Variants in POMZP3 observed in about 807,000 individuals in gnomAD.
POMZP3 encodes POM121 and ZP3 fusion protein.
Under a neutral mutation model 19.8 loss-of-function variants are expected in POMZP3, and 10 were observed. The observed-to-expected ratio is 0.51, with a 90% CI of 0.31 to 0.86. The LOEUF (loss-of-function observed/expected upper bound fraction) is 0.86, where lower values mean the gene tolerates loss of function less well. POMZP3 is among the 40% of genes least tolerant of loss of function. The probability of loss-of-function intolerance (pLI) is 0.04; values close to 1 mark genes in which losing one functional copy is unlikely to be tolerated. For missense variants in POMZP3, 152 were observed against 228.1 expected (o/e 0.67, Z 2.15); for synonymous variants, 57 against 85.8 (o/e 0.66, Z 1.85).
At chr7:76,613,613 C>G (rs1257486663) in intron 4 of POMZP3, among the ~76,000 whole-genome samples, 1 of 83,164 alleles carries the variant, frequency 1.2e-5, no homozygotes, top group Admixed American at 1.1e-4. Context: ...CTCAGCCTCC[C>G]AAGTAGATGG....
intron 3 of POMZP3, 81 bp downstream of exon 3, chr7:76,625,441 G>A: frequency 1.3e-6 from 2 of 1,597,612 alleles, no homozygotes; most frequent in Non-Finnish European, 8.6e-7. Flanking sequence ...GGTGGCCTCT[G>A]TATCTTTACG....
rs1361022003 is a variant in POMZP3 at position 76,620,310 on chromosome 7, A to C, written c.228-2010T>G. Among the ~76,000 whole-genome samples, 2 of 66,454 alleles carry C rather than the reference A, an allele frequency of 3.0e-5. 1 individual carries two copies. Among genetic ancestry groups the C allele is most frequent in the Non-Finnish European group, 5.7e-5 (2 of 35,046 alleles). 43.6% of individuals were successfully genotyped at this position (66,454 alleles called of 152,430 possible). A position where few individuals can be genotyped will look rare whatever the true frequency, so the allele number is the denominator to read the frequency against. On this transcript the variant is annotated intron_variant, in intron 3 of 6. Coordinates refer to ENST00000310842, the MANE Select transcript of POMZP3 (RefSeq NM_012230.5). ...ACCACTGCACTCCAGCCTGGGCAAC[A>C]GAGTGAGACTGTCTCAAATAAAAAA... is the stretch of plus-strand genomic sequence containing the variant.
chr7:76,622,932 C>G (rs1308375728), intron 3 of POMZP3, among the ~76,000 whole-genome samples: 1 of 151,526 alleles, frequency 6.6e-6, no homozygotes. Flanking sequence ...AGTGCAGTAG[C>G]TGGATCATAT....
intron 3 of POMZP3, among the ~76,000 whole-genome samples, chr7:76,620,561 A>G (rs889907410): frequency 1.3e-5 from 2 of 151,404 alleles, no homozygotes; most frequent in African/African-American, 4.9e-5. Context: ...TCCACCTCCC[A>G]TATTCAAGTG....
At position 76,627,088 on chromosome 7, in the gene POMZP3, G is replaced by C. The variant is rs1191841623; in HGVS notation, c.-532C>G. 27 of 1,352,382 alleles carry C rather than the reference G, an allele frequency of 2.0e-5. 1 individual carries two copies. The highest frequency in any genetic ancestry group is 2.9e-5 in the Admixed American group (1 of 34,890). 83.8% of individuals were successfully genotyped at this position (1,352,382 alleles called of 1,614,324 possible). A position where few individuals can be genotyped will look rare whatever the true frequency, so the allele number is the denominator to read the frequency against. On this transcript the variant is annotated 5_prime_UTR_variant, in exon 1 of 7. Coordinates refer to ENST00000310842, the MANE Select transcript of POMZP3 (RefSeq NM_012230.5). Reference sequence around the variant, plus strand: ...CTCGCGGCTCAGTCCCCACCAGGCCGCGGTAGTCCCCACGGCCAGCCAGGC... The same window carrying C: ...CTCGCGGCTCAGTCCCCACCAGGCCCCGGTAGTCCCCACGGCCAGCCAGGC...
Position 76,626,153 on chromosome 7 carries a change from T to A in POMZP3, c.-89A>T. ...TACCCCCGGACAGGAATACTGGGCC[T>A]GATGGATCGGATAGCGTCTTCGAGG... On this transcript the variant is annotated 5_prime_UTR_variant, in exon 2 of 7. Coordinates refer to ENST00000310842, the MANE Select transcript of POMZP3 (RefSeq NM_012230.5). 1 of 1,606,710 alleles carries A rather than the reference T, an allele frequency of 6.2e-7. No homozygotes were observed. Among genetic ancestry groups the A allele is most frequent in the Non-Finnish European group, 8.5e-7 (1 of 1,176,180 alleles).
intron 4 of POMZP3, among the ~76,000 whole-genome samples, chr7:76,614,330 C>G (rs1194562251): frequency 9.8e-4 from 78 of 79,982 alleles, no homozygotes; most frequent in African/African-American, 4.2e-3. Flanking sequence ...AGTGGATCAC[C>G]TGAGGTCAGG....
At chr7:76,618,557 G>A (rs3762025) in intron 3 of POMZP3, 4 of 487,170 alleles carry the variant, frequency 8.2e-6, no homozygotes, top group African/African-American at 4.0e-5. Context: ...GGAGGCAGAG[G>A]GTGTAGTGAG....
intron 3 of POMZP3, 158 bp from the exon 4 acceptor site, chr7:76,618,458 C>A (rs762538573): frequency 3.2e-6 from 3 of 930,020 alleles, no homozygotes; most frequent in South Asian, 3.0e-5. Context: ...CTTGTCTCTA[C>A]TAAAAATACA....
At chr7:76,625,228 T>C (rs566292315) in intron 3 of POMZP3, among the ~76,000 whole-genome samples, 1 of 149,362 alleles carries the variant, frequency 6.7e-6, no homozygotes, top group Admixed American at 6.7e-5. Context: ...CCTTCTTTCT[T>C]GAAAATAAAC....
intron 3 of POMZP3, 77 bp downstream of exon 3, chr7:76,625,445 C>T (rs902663256): frequency 1.2e-6 from 2 of 1,600,050 alleles, no homozygotes; most frequent in African/African-American, 2.7e-5. Flanking sequence ...GCCTCTGTAT[C>T]TTTACGGGAA....
At chr7:76,618,437 C>T (rs1049087570) in intron 3 of POMZP3, 137 bp from the exon 4 acceptor site, 39 of 934,562 alleles carry the variant, frequency 4.2e-5, no homozygotes, top group Non-Finnish European at 6.0e-5. Context: ...GCCTGGCAAA[C>T]ATGGTGAAAC....
At chr7:76,619,579 G>C (rs929078403) in intron 3 of POMZP3, among the ~76,000 whole-genome samples, 2 of 145,178 alleles carry the variant, frequency 1.4e-5, no homozygotes, top group East Asian at 2.1e-4. Flanking sequence ...TTTCCGCCTA[G>C]AGATGGTGTC....
chr7:76,620,300 C>G (rs1815479933), intron 3 of POMZP3, among the ~76,000 whole-genome samples: 1 of 77,106 alleles, frequency 1.3e-5, no homozygotes, highest in Non-Finnish European at 2.6e-5. Flanking sequence ...TGCACTCCAG[C>G]CTGGGCAACA....
chr7:76,615,023 T>G (rs992516556), intron 4 of POMZP3, among the ~76,000 whole-genome samples: 28 of 122,916 alleles, frequency 2.3e-4, no homozygotes, highest in African/African-American at 8.5e-4. Context: ...ACCCTATTGC[T>G]CTGAAATAGG....
At position 76,627,195 on chromosome 7, in the gene POMZP3, C is replaced by T; in HGVS notation, c.-639G>A. The T allele has an allele frequency of 2.1e-6, 3 of 1,438,480 alleles. No individual in the cohort carries two copies. Among genetic ancestry groups the T allele is most frequent in the Non-Finnish European group, 2.8e-6 (3 of 1,084,578 alleles). 89.1% of individuals were successfully genotyped at this position (1,438,480 alleles called of 1,614,324 possible). On this transcript the variant is annotated 5_prime_UTR_variant, in exon 1 of 7. Transcript: ENST00000310842. ...GAAGCGCCGCCCCGGCCGGCCCTGA[C>T]ACTCGCTATCGGCCGCCGCCGCTCG... is the stretch of plus-strand genomic sequence containing the variant.
chr7:76,627,182 C>T lies in POMZP3; in HGVS notation c.-626G>A, dbSNP rs1474897334. On this transcript the variant is annotated 5_prime_UTR_variant, in exon 1 of 7. Coordinates refer to ENST00000310842, the MANE Select transcript of POMZP3 (RefSeq NM_012230.5). Reference sequence around the variant, plus strand: ...AGCGACAGGCCGAGAAGCGCCGCCCCGGCCGGCCCTGACACTCGCTATCGG... The same window carrying T: ...AGCGACAGGCCGAGAAGCGCCGCCCTGGCCGGCCCTGACACTCGCTATCGG... The T allele has an allele frequency of 2.1e-5, 31 of 1,442,892 alleles. 6 individuals carry two copies. The highest frequency in any genetic ancestry group is 2.5e-5 in the Non-Finnish European group (27 of 1,086,666). 89.4% of individuals were successfully genotyped at this position (1,442,892 alleles called of 1,614,324 possible).
In POMZP3 at chr7:76,626,156, T is replaced by C; in HGVS notation, c.-92A>G. 2.5e-6 allele frequency: 4 copies of C among 1,606,054 alleles called. No homozygotes were observed. Among genetic ancestry groups the C allele is most frequent in the Middle Eastern group, 1.7e-4 (1 of 6,046 alleles). On this transcript the variant is annotated 5_prime_UTR_variant, in exon 2 of 7. Coordinates refer to ENST00000310842, the MANE Select transcript of POMZP3 (RefSeq NM_012230.5). ...CCCCGGACAGGAATACTGGGCCTGA[T>C]GGATCGGATAGCGTCTTCGAGGTGT...
At chr7:76,622,386 T>C (rs1363401758) in intron 3 of POMZP3, among the ~76,000 whole-genome samples, 1 of 121,876 alleles carries the variant, frequency 8.2e-6, no homozygotes, top group African/African-American at 3.3e-5. Flanking sequence ...TTTTTTTTTT[T>C]TTTTTTTTTT....
Sources: gnomAD v4.1 joint callset for allele counts (sites outside exome capture counted in the v4.1 genomes callset) on GRCh38, gnomAD v4.1.1 for gene constraint, MANE v1.5 for transcripts, NCBI Gene and HGNC (gene_info 2026-07-23, HGNC 2026-07-21) for gene names.